The following MYO7A variants were observed in gnomAD, a reference collection of about 807,000 sequenced individuals.
MYO7A encodes the protein unconventional myosin-VIIa.
MYO7A carries 210 observed loss-of-function variants against 263.8 expected under a neutral mutation model. That is an observed-to-expected ratio of 0.80 (90% CI 0.71 to 0.89). MYO7A has a LOEUF of 0.89. MYO7A is among the 40% of genes least tolerant of loss of function. MYO7A has a pLI of 0.00. For synonymous variants in MYO7A, 1,239 were observed against 1,197.3 expected (o/e 1.03, Z -0.72); for missense variants, 2,820 against 2,968.3 (o/e 0.95, Z 1.16).
rs1591438864 is a variant in MYO7A, at chr11:77,194,395, A to G, written c.4194A>G (p.Val1398=). ...LAELASQQYF[V]DYGSEMILER... ...AGCTGGCCTCCCAGCAGTACTTTGT[A>G]GACTATGGCTCTGAGATGATCCTGG... The change falls in exon 32 of 49, where the codon GTA becomes GTG. Residue 1398 remains valine, a synonymous_variant. Transcript: ENST00000409709. 6.2e-7 allele frequency: 1 copy of G among 1,612,932 alleles called. No individual in the cohort carries two copies. Among genetic ancestry groups the G allele is most frequent in the Non-Finnish European group, 8.5e-7 (1 of 1,179,462 alleles).
At chr11:77,163,736 G>A (rs1306302345) in intron 14 of MYO7A, among the ~76,000 whole-genome samples, 6 of 152,058 alleles carry the variant, frequency 3.9e-5, no homozygotes, top group Admixed American at 6.5e-5. Flanking sequence ...TTTCATCCAC[G>A]TTGTAGCATG....
At chr11:77,147,742 C>T in intron 3 of MYO7A, 56 bp from the exon 4 acceptor site, 2 of 1,590,194 alleles carry the variant, frequency 1.3e-6, no homozygotes, top group Non-Finnish European at 1.7e-6. Flanking sequence ...GCCCCTTCCC[C>T]TGAAGTGCGC....
Position 77,214,670 on chromosome 11 carries a change from C to A in MYO7A, c.6622C>A (p.Gln2208Lys). Residue 2208 changes from glutamine (Q) to lysine (K), a missense_variant, in exon 49 of 49, where the codon CAG becomes AAG. Coordinates refer to ENST00000409709, the MANE Select transcript of MYO7A (RefSeq NM_000260.4). ...ISQMLTAMSK[Q>K]RGSRSGK Reference sequence around the variant, plus strand: ...CCAGATGCTCACAGCCATGAGCAAACAGCGGGGCTCCAGGAGCGGCAAGTG... The same window carrying A: ...CCAGATGCTCACAGCCATGAGCAAAAAGCGGGGCTCCAGGAGCGGCAAGTG... 2 of 1,585,010 alleles carry A rather than the reference C, an allele frequency of 1.3e-6. No individual in the cohort carries two copies. The highest frequency in any genetic ancestry group is 8.6e-7 in the Non-Finnish European group (1 of 1,165,542).
chr11:77,154,866 T>C (rs1399848622), intron 4 of MYO7A, among the ~76,000 whole-genome samples: 3 of 151,822 alleles, frequency 2.0e-5, no homozygotes, highest in Non-Finnish European at 4.4e-5. Context: ...AGGGTGGGCA[T>C]TTCCCCTGGC....
rs111033174 is a variant in MYO7A at position 77,156,683 on chromosome 11, C to T, written c.494C>T (p.Thr165Met). 35 of 1,613,798 alleles carry T rather than the reference C, an allele frequency of 2.2e-5. No individual in the cohort carries two copies. Among genetic ancestry groups the T allele is most frequent in the African/African-American group, 2.7e-5 (2 of 74,912 alleles). ...AGTGGGGAATCTGGGGCCGGGAAGA[C>T]GGAGAGCACAAAGCTGATCCTGCAG... ...IISGESGAGK[T>M]ESTKLILQFL... The change falls in exon 6 of 49, where the codon ACG becomes ATG. Residue 165 changes from threonine (T) to methionine (M), a missense_variant. Transcript: ENST00000409709.
intron 4 of MYO7A, among the ~76,000 whole-genome samples, chr11:77,152,617 C>T (rs1380230424): frequency 2.0e-5 from 3 of 152,024 alleles, no homozygotes; most frequent in African/African-American, 4.8e-5. Context: ...TGACAACCTG[C>T]CCTGTACTTC....
chr11:77,190,871 G>C lies in MYO7A; in HGVS notation c.3924+1G>C, dbSNP rs1226046110. ...CCTCTACATTGCCCTGTTTGACAAGGTATGGCCGCCCGGAAGCACCTCCTC... is the reference window on the plus strand; with the variant it reads ...CCTCTACATTGCCCTGTTTGACAAGCTATGGCCGCCCGGAAGCACCTCCTC... On this transcript the variant is annotated splice_donor_variant, in intron 30 of 48. Coordinates refer to ENST00000409709, the MANE Select transcript of MYO7A (RefSeq NM_000260.4). LOFTEE classifies it high-confidence loss of function. The C allele has an allele frequency of 6.4e-7, 1 of 1,554,842 alleles. No individual in the cohort carries two copies. Among genetic ancestry groups the C allele is most frequent in the East Asian group, 2.4e-5 (1 of 42,104 alleles).
At chr11:77,142,086 C>T (rs908752084) in intron 2 of MYO7A, among the ~76,000 whole-genome samples, 1 of 152,254 alleles carries the variant, frequency 6.6e-6, no homozygotes, top group Admixed American at 6.5e-5. Flanking sequence ...TTGGCTCTCA[C>T]GATCCCTTGC....
At chr11:77,169,833 T>C (rs1953913765) in intron 15 of MYO7A, among the ~76,000 whole-genome samples, 1 of 152,144 alleles carries the variant, frequency 6.6e-6, no homozygotes, top group African/African-American at 2.4e-5. Context: ...TCCAAAACTT[T>C]GGGAGGCCGA....
chr11:77,173,387 T>A (rs1246233140), intron 16 of MYO7A, among the ~76,000 whole-genome samples: 1 of 152,232 alleles, frequency 6.6e-6, no homozygotes. Context: ...TGGGATATCC[T>A]CATTCTTGAC....
intron 4 of MYO7A, among the ~76,000 whole-genome samples, chr11:77,155,380 G>A (rs1952354718): frequency 6.6e-6 from 1 of 152,328 alleles, no homozygotes; most frequent in African/African-American, 2.4e-5. Context: ...GCTACAGAGA[G>A]TGGGGCCCAC....
In MYO7A at chr11:77,205,442, G is replaced by C. The variant is rs781289614; in HGVS notation, c.5481-20G>C. 1.3e-6 allele frequency: 2 copies of C among 1,551,850 alleles called. No homozygotes were observed. The highest frequency in any genetic ancestry group is 3.9e-5 in the Admixed American group (2 of 51,328). ...CCCGATGGCAGCTGCCCCTGCTGGA[G>C]CCCACGCCTCCTCCTGCAGGTACAG... On this transcript the variant is annotated intron_variant, in intron 39 of 48. Transcript: ENST00000409709.
At chr11:77,167,883 CTGACAGA>C (rs1403883656) in intron 15 of MYO7A, among the ~76,000 whole-genome samples, 17 of 152,196 alleles carry the variant, frequency 1.1e-4, no homozygotes, top group African/African-American at 4.1e-4. Flanking sequence ...CCCACTCACC[CTGACAGA>C]CCAACACTGT....
intron 25 of MYO7A, 39 bp downstream of exon 25, chr11:77,182,639 G>A (rs1555085631): frequency 1.9e-6 from 3 of 1,607,738 alleles, no homozygotes; most frequent in Admixed American, 3.3e-5. Context: ...TCCCTCCCAG[G>A]CCGACAAGGA....
intron 44 of MYO7A, among the ~76,000 whole-genome samples, chr11:77,209,607 GCTC>G (rs1241396186): frequency 4.8e-5 from 7 of 144,518 alleles, no homozygotes; most frequent in Non-Finnish European, 9.0e-5. Context: ...CTTGACATCT[GCTC>G]CTCCTGTCCC....
Position 77,138,334 on chromosome 11 carries a change from G to GACCCTGCCA in MYO7A, c.19-4371_19-4370insTGCCAACCC, listed in dbSNP as rs1286914789. ...CATGGAGGACCCCGCCGACCCTGCCGACCCCGCGCGCATCCCGCAGCCCGG... is the reference window on the plus strand; with the variant it reads ...CATGGAGGACCCCGCCGACCCTGCCGACCCTGCCAACCCCGCGCGCATCCCGCAGCCCGG... On this transcript the variant is annotated intron_variant, in intron 2 of 48. Coordinates refer to ENST00000409709, the MANE Select transcript of MYO7A (RefSeq NM_000260.4). The surrounding 1 kb of genome is among the most constrained non-coding windows in gnomAD (Gnocchi z 4.9). 2.1e-5 allele frequency among the ~76,000 whole-genome samples: 3 copies of GACCCTGCCA among 146,314 alleles called. No individual in the cohort carries two copies. Among genetic ancestry groups the GACCCTGCCA allele is most frequent in the African/African-American group, 7.8e-5 (3 of 38,706 alleles).
chr11:77,209,849 G>A (rs796314262), intron 44 of MYO7A, among the ~76,000 whole-genome samples: 9 of 152,226 alleles, frequency 5.9e-5, no homozygotes, highest in African/African-American at 1.2e-4. Context: ...CCCCTTGCTC[G>A]TAGGGCATAA....
chr11:77,189,526 A>C (rs1210013093), intron 28 of MYO7A, 56 bp downstream of exon 28: 1 of 1,605,256 alleles, frequency 6.2e-7, no homozygotes, highest in African/African-American at 1.3e-5. Context: ...CTGTCCCAGC[A>C]CTGTGGGGAG....
chr11:77,191,042 C>A, intron 30 of MYO7A, 172 bp downstream of exon 30: 1 of 718,668 alleles, frequency 1.4e-6, no homozygotes, highest in Non-Finnish European at 2.2e-6. Context: ...GAGAACTCGG[C>A]CAGGTGCGGT....
Sources: gnomAD v4.1 joint callset for allele counts (sites outside exome capture counted in the v4.1 genomes callset) on GRCh38, gnomAD v4.1.1 for gene constraint, Gnocchi (gnomAD v3.1) non-coding constraint, MANE v1.5 for transcripts, NCBI Gene and HGNC (gene_info 2026-07-23, HGNC 2026-07-21) for gene names.